The following TRERF1 variants were observed in gnomAD, a reference collection of about 807,000 sequenced individuals.
The protein encoded by TRERF1 is transcriptional regulating factor 1.
Under a neutral mutation model 122.9 loss-of-function variants are expected in TRERF1, and 27 were observed. That is an observed-to-expected ratio of 0.22 (90% CI 0.16 to 0.30). The LOEUF (loss-of-function observed/expected upper bound fraction) is 0.30, where lower values mean the gene tolerates loss of function less well. TRERF1 is among the 10% of genes least tolerant of loss of function. The pLI is 1.00. For missense variants in TRERF1, 1,248 were observed against 1,560.3 expected (o/e 0.80, Z 3.37); for synonymous variants, 636 against 641.7 (o/e 0.99, Z 0.13).
At chr6:42,449,762 C>T (rs1788138782) in intron 2 of TRERF1, among the ~76,000 whole-genome samples, 1 of 152,214 alleles carries the variant, frequency 6.6e-6, no homozygotes, top group African/African-American at 2.4e-5. Flanking sequence ...ACTCAACTCT[C>T]AAACTGCCAA....
chr6:42,413,904 A>G (rs1282370156), intron 2 of TRERF1, among the ~76,000 whole-genome samples: 2 of 152,252 alleles, frequency 1.3e-5, no homozygotes, highest in Non-Finnish European at 2.9e-5. Context: ...GTCAGGGAAG[A>G]GAAGGAAAGC....
chr6:42,385,570 A>C (rs1776655183), intron 2 of TRERF1, among the ~76,000 whole-genome samples: 1 of 152,120 alleles, frequency 6.6e-6, no homozygotes, highest in Admixed American at 6.5e-5. Context: ...TGTGCAGCAC[A>C]AAGTGACCTG....
rs1779870151 is a variant in TRERF1 at position 42,269,630 on chromosome 6, T to TA, written c.-41dup. The TA allele has an allele frequency of 1.3e-6, 2 of 1,588,964 alleles. No individual in the cohort carries two copies. The highest frequency in any genetic ancestry group is 1.7e-6 in the Non-Finnish European group (2 of 1,166,824). On this transcript the variant is annotated 5_prime_UTR_variant, in exon 5 of 18. Coordinates refer to ENST00000372922, the Ensembl canonical transcript of TRERF1. The surrounding 1 kb of genome is among the most constrained non-coding windows in gnomAD (Gnocchi z 4.9). ...TTGTGAACGTCCAGCCACAAAACCA[T>TA]AAAAAAGGTAAATAAAACAAACCCA... is the stretch of plus-strand genomic sequence containing the variant.
chr6:42,280,315 C>T (rs1782078899), intron 4 of TRERF1, among the ~76,000 whole-genome samples: 1 of 152,200 alleles, frequency 6.6e-6, no homozygotes, highest in South Asian at 2.1e-4. Context: ...CTGAGTCGCT[C>T]CCTCCTCCAG....
intron 3 of TRERF1, among the ~76,000 whole-genome samples, chr6:42,303,927 A>AAAG (rs1561948929): frequency 3.3e-4 from 50 of 150,092 alleles, no homozygotes; most frequent in Middle Eastern, 3.5e-3. Flanking sequence ...AAAAAAAAAA[A>AAAG]AAGAAGATGT....
chr6:42,313,563 C>T lies in TRERF1; in HGVS notation c.-370-12814G>A, dbSNP rs114617986. On this transcript the variant is annotated intron_variant, in intron 3 of 17. Coordinates refer to ENST00000372922, the Ensembl canonical transcript of TRERF1. The stretch of plus-strand genomic sequence containing the variant: ...TCTGAGCCTTCCCAGTAACGCTTAC[C>T]GGGATGCAAACGTGCTCAAGTTGTG... Among the ~76,000 whole-genome samples, 1,016 of 152,170 alleles carry T rather than the reference C, an allele frequency of 6.7e-3. 4 individuals carry two copies. Among genetic ancestry groups the T allele is most frequent in the African/African-American group, 0.023 (965 of 41,504 alleles).
chr6:42,323,622 G>T (rs976375128), intron 3 of TRERF1, among the ~76,000 whole-genome samples: 14 of 152,284 alleles, frequency 9.2e-5, no homozygotes, highest in African/African-American at 3.4e-4. Flanking sequence ...GGGAAGGTGA[G>T]ACAACCATGG....
chr6:42,300,415 A>G (rs1785968166), intron 4 of TRERF1, among the ~76,000 whole-genome samples: 1 of 152,188 alleles, frequency 6.6e-6, no homozygotes, highest in African/African-American at 2.4e-5. Flanking sequence ...TAAGAGCTCC[A>G]TTCTAGACAC....
At chr6:42,407,816 G>T (rs1780411040) in intron 2 of TRERF1, among the ~76,000 whole-genome samples, 1 of 151,110 alleles carries the variant, frequency 6.6e-6, no homozygotes, top group African/African-American at 2.4e-5. Flanking sequence ...TACCTGTCCA[G>T]ATTCTTATGG....
chr6:42,388,988 A>G (rs561086415), intron 2 of TRERF1, among the ~76,000 whole-genome samples: 34 of 152,354 alleles, frequency 2.2e-4, no homozygotes, highest in African/African-American at 7.5e-4. Flanking sequence ...AGCCTCTGTT[A>G]CTGAATCCTT....
rs1781061025 is a variant in TRERF1 at position 42,275,897 on chromosome 6, A to G, written c.-258-6049T>C. On this transcript the variant is annotated intron_variant, in intron 4 of 17. Transcript: ENST00000372922. The surrounding 1 kb of genome is among the most constrained non-coding windows in gnomAD (Gnocchi z 4.1). The stretch of plus-strand genomic sequence containing the variant: ...GGTAGCGTGAAAGCGGCCACAGACC[A>G]TATATAAATGAATGGGCGTGGCTGT... 6.6e-6 allele frequency among the ~76,000 whole-genome samples: 1 copy of G among 152,386 alleles called. No individual in the cohort carries two copies. The highest frequency in any genetic ancestry group is 1.9e-4 in the East Asian group (1 of 5,196).
intron 4 of TRERF1, among the ~76,000 whole-genome samples, chr6:42,287,027 T>C (rs1394378921): frequency 6.9e-6 from 1 of 145,254 alleles, no homozygotes; most frequent in Non-Finnish European, 1.5e-5. Context: ...TCATTCTCAG[T>C]AAACTATCGC....
Position 42,436,800 on chromosome 6 carries a change from C to CAA in TRERF1, c.-454+14375_-454+14376dup, listed in dbSNP as rs775861205. On this transcript the variant is annotated intron_variant, in intron 2 of 17. Coordinates refer to ENST00000372922, the Ensembl canonical transcript of TRERF1. ...ATGAATTATTTGCAATCTCCCTCTA[C>CAA]AAAAAAAAAAAAAAATATATATATA... Among the ~76,000 whole-genome samples, 697 of 77,442 alleles carry CAA rather than the reference C, an allele frequency of 9.0e-3. 14 individuals carry two copies. The highest frequency in any genetic ancestry group is 0.035 in the African/African-American group (553 of 15,788). The allele number at this position is 77,442 out of a possible 152,430, so 50.8% of individuals were successfully genotyped here.
chr6:42,329,634 G>A (rs997070126), intron 3 of TRERF1, among the ~76,000 whole-genome samples: 1 of 152,040 alleles, frequency 6.6e-6, no homozygotes, highest in African/African-American at 2.4e-5. Flanking sequence ...AAGGAAGTTC[G>A]GGAACAGGTC....
In TRERF1 at chr6:42,263,401, C is replaced by A; in HGVS notation, c.1803G>T (p.Gly601=). 1 of 1,612,358 alleles carries A rather than the reference C, an allele frequency of 6.2e-7. No homozygotes were observed. The highest frequency in any genetic ancestry group is 8.5e-7 in the Non-Finnish European group (1 of 1,179,322). Residue 601 remains glycine (G), a synonymous_variant, in exon 8 of 18, where the codon GGG becomes GGT. Coordinates refer to ENST00000372922, the Ensembl canonical transcript of TRERF1. This position sits in a 1 kb window ranked among gnomAD's most constrained non-coding sequence, Gnocchi z 5.6. Reference sequence around the variant, plus strand: ...GGGCGGCAACGGTGCTGTTGGTGAACCCCTGAGAGCTGGGCTTGGGCGGGA... The same window carrying A: ...GGGCGGCAACGGTGCTGTTGGTGAAACCCTGAGAGCTGGGCTTGGGCGGGA...
chr6:42,329,406 C>T (rs1413782348), intron 3 of TRERF1, among the ~76,000 whole-genome samples: 1 of 152,086 alleles, frequency 6.6e-6, no homozygotes, highest in Admixed American at 6.5e-5. Flanking sequence ...TTGGAACGCT[C>T]CAGCCAGCAG....
At chr6:42,347,002 T>C (rs545543783) in intron 3 of TRERF1, among the ~76,000 whole-genome samples, 39 of 152,352 alleles carry the variant, frequency 2.6e-4, no homozygotes, top group Admixed American at 7.8e-4. Context: ...GCTTTATTGC[T>C]GTTCTTAAAA....
At chr6:42,312,971 A>G (rs914514798) in intron 3 of TRERF1, among the ~76,000 whole-genome samples, 1 of 152,174 alleles carries the variant, frequency 6.6e-6, no homozygotes, top group African/African-American at 2.4e-5. Flanking sequence ...TCATCTACCC[A>G]TAGCTTGCAG....
chr6:42,429,193 C>T (rs894887473), intron 2 of TRERF1, among the ~76,000 whole-genome samples: 1 of 152,198 alleles, frequency 6.6e-6, no homozygotes, highest in Non-Finnish European at 1.5e-5. Context: ...ATGCAAAATG[C>T]ACCTCACTTC....
Sources: gnomAD v4.1 joint callset for allele counts (sites outside exome capture counted in the v4.1 genomes callset) on GRCh38, gnomAD v4.1.1 for gene constraint, Gnocchi (gnomAD v3.1) non-coding constraint, MANE v1.5 for transcripts, NCBI Gene and HGNC (gene_info 2026-07-23, HGNC 2026-07-21) for gene names.